ZRANB3: variants seen among roughly 807,000 people sequenced by gnomAD.
ZRANB3 encodes the protein DNA annealing helicase and endonuclease ZRANB3.
Under a neutral mutation model 133.8 loss-of-function variants are expected in ZRANB3, and 125 were observed. That is an observed-to-expected ratio of 0.93 (90% CI 0.81 to 1.08). The LOEUF is 1.08. Ranked by LOEUF, ZRANB3 falls within the 50% of genes least tolerant of loss-of-function variation. The pLI is 0.00. For synonymous variants in ZRANB3, 387 were observed against 432.7 expected (o/e 0.89, Z 1.31); for missense variants, 1,229 against 1,275.5 (o/e 0.96, Z 0.56).
intron 2 of ZRANB3, among the ~76,000 whole-genome samples, chr2:135,473,564 G>T (rs1252862668): frequency 6.6e-6 from 1 of 151,706 alleles, no homozygotes; most frequent in Admixed American, 6.6e-5. Context: ...AAAAAAGATG[G>T]AAAGGAAAAG....
chr2:135,430,299 G>A (rs1689263729), intron 2 of ZRANB3, among the ~76,000 whole-genome samples: 1 of 152,046 alleles, frequency 6.6e-6, no homozygotes, highest in Admixed American at 6.6e-5. Flanking sequence ...TATGATCGCA[G>A]GAACTATGTT....
chr2:135,286,709 T>A (rs1343995265), intron 8 of ZRANB3, among the ~76,000 whole-genome samples: 1 of 152,228 alleles, frequency 6.6e-6, no homozygotes, highest in Non-Finnish European at 1.5e-5. Flanking sequence ...CATTTGCATA[T>A]CTTCTTTTGA....
intron 1 of ZRANB3, among the ~76,000 whole-genome samples, chr2:135,515,191 G>A (rs1693649896): frequency 6.6e-6 from 1 of 152,058 alleles, no homozygotes. Context: ...CTACTGTTTG[G>A]AATAATTTCA....
chr2:135,320,263 A>G (rs1683457480), intron 6 of ZRANB3, among the ~76,000 whole-genome samples: 1 of 152,260 alleles, frequency 6.6e-6, no homozygotes, highest in African/African-American at 2.4e-5. Flanking sequence ...AAAGAAAATT[A>G]TCAAACAAAT....
intron 2 of ZRANB3, among the ~76,000 whole-genome samples, chr2:135,501,957 G>T (rs1336527955): frequency 6.6e-6 from 1 of 152,008 alleles, no homozygotes; most frequent in Non-Finnish European, 1.5e-5. Flanking sequence ...AGACTCAAGG[G>T]TATTATCAAT....
chr2:135,397,433 G>C, intron 2 of ZRANB3, among the ~76,000 whole-genome samples: 1 of 145,744 alleles, frequency 6.9e-6, no homozygotes. Flanking sequence ...GGGCAAGAAA[G>C]CCAGACCCTG....
chr2:135,435,647 A>T (rs1472237027), intron 2 of ZRANB3, among the ~76,000 whole-genome samples: 1 of 152,074 alleles, frequency 6.6e-6, no homozygotes, highest in Non-Finnish European at 1.5e-5. Flanking sequence ...AACCTTGCCC[A>T]CATCTGTTAT....
intron 12 of ZRANB3, among the ~76,000 whole-genome samples, chr2:135,255,726 A>C (rs988101917): frequency 6.6e-6 from 1 of 151,400 alleles, no homozygotes; most frequent in Non-Finnish European, 1.5e-5. Flanking sequence ...GCATGATGAT[A>C]GTCCTGGCTA....
chr2:135,292,537 C>T (rs1681807595), intron 8 of ZRANB3, among the ~76,000 whole-genome samples: 1 of 152,274 alleles, frequency 6.6e-6, no homozygotes, highest in South Asian at 2.1e-4. Flanking sequence ...TTCTCCCATT[C>T]TGTAGGTTGC....
chr2:135,272,909 C>T (rs1680601942), intron 9 of ZRANB3, among the ~76,000 whole-genome samples: 2 of 151,890 alleles, frequency 1.3e-5, no homozygotes, highest in Non-Finnish European at 2.9e-5. Flanking sequence ...ATTGGCCGGG[C>T]GCGGTGTCTC....
intron 8 of ZRANB3, among the ~76,000 whole-genome samples, chr2:135,294,074 T>C (rs2104798656): frequency 6.6e-6 from 1 of 152,354 alleles, no homozygotes; most frequent in East Asian, 1.9e-4. Context: ...TTTGTGTCTC[T>C]GCCAGGCTTT....
intron 12 of ZRANB3, among the ~76,000 whole-genome samples, 190 bp downstream of exon 12, chr2:135,265,344 A>C (rs574072008): frequency 6.6e-6 from 1 of 152,106 alleles, no homozygotes; most frequent in Non-Finnish European, 1.5e-5. Flanking sequence ...TTATCCGAGG[A>C]GCTGAACAGT....
chr2:135,282,511 C>T (rs1681144462), intron 8 of ZRANB3, among the ~76,000 whole-genome samples: 1 of 152,146 alleles, frequency 6.6e-6, no homozygotes, highest in Admixed American at 6.6e-5. Context: ...CAAATTTTCC[C>T]AAAGAAACAC....
At chr2:135,221,628 T>G (rs1431376151) in intron 15 of ZRANB3, among the ~76,000 whole-genome samples, 1 of 152,256 alleles carries the variant, frequency 6.6e-6, no homozygotes, top group East Asian at 1.9e-4. Context: ...CTCTACCCTC[T>G]TGGGACCATT....
At chr2:135,398,137 C>T (rs2104935151) in intron 2 of ZRANB3, among the ~76,000 whole-genome samples, 1 of 152,156 alleles carries the variant, frequency 6.6e-6, no homozygotes, top group Middle Eastern at 3.4e-3. Context: ...GCCATCTCCG[C>T]TCACTGCAAG....
chr2:135,227,836 C>A lies in ZRANB3; in HGVS notation c.2134G>T (p.Gly712Ter). Residue 712 changes from glycine to a stop codon, truncating the protein, a stop_gained, in exon 14 of 21, where the codon GGA (glycine) becomes TGA (stop). Coordinates refer to ENST00000264159, the MANE Select transcript of ZRANB3 (RefSeq NM_032143.4). LOFTEE classifies it high-confidence loss of function. ...EETPKIEKEDGLTSQPGNEQW... is the reference protein window; with the variant it reads ...EETPKIEKED The stretch of plus-strand genomic sequence containing the variant: ...CCATTACCTGGCTGGGATGTAAGTC[C>A]GTCTTCTTTCTCAATTTTTGGTGTT... The A allele has an allele frequency of 6.3e-7, 1 of 1,576,056 alleles. No individual in the cohort carries two copies. The highest frequency in any genetic ancestry group is 1.3e-5 in the African/African-American group (1 of 74,508).
chr2:135,409,397 T>G (rs1688201997), intron 2 of ZRANB3, among the ~76,000 whole-genome samples: 2 of 152,162 alleles, frequency 1.3e-5, no homozygotes. Context: ...CATGATCATC[T>G]TCATAGATGC....
chr2:135,222,238 A>T (rs560879548), intron 15 of ZRANB3, among the ~76,000 whole-genome samples: 1 of 151,998 alleles, frequency 6.6e-6, no homozygotes, highest in South Asian at 2.1e-4. Flanking sequence ...CCCTGTCTCT[A>T]CTAAAAATAG....
Position 135,227,991 on chromosome 2 carries a change from T to C in ZRANB3, c.1979A>G (p.His660Arg), listed in dbSNP as rs1222693253. ...SAVMQIDSLN[H>R]IQDKNEKDDS... is the part of the protein sequence containing the mutation. ...ATCCTTCTCGTTTTTATCCTGGATA[T>C]GGTTGAGGCTATCTATTTGCATAAC... The change falls in exon 14 of 21, where the codon CAT (histidine) becomes CGT (arginine). Residue 660 changes from histidine (H) to arginine (R), a missense_variant. His to Arg is a conservative substitution (Grantham distance 29). Coordinates refer to ENST00000264159, the MANE Select transcript of ZRANB3 (RefSeq NM_032143.4). The C allele has an allele frequency of 1.3e-6, 2 of 1,548,884 alleles. No individual in the cohort carries two copies. The highest frequency in any genetic ancestry group is 2.4e-5 in the South Asian group (2 of 82,880).
Sources: gnomAD v4.1 joint callset for allele counts (sites outside exome capture counted in the v4.1 genomes callset) on GRCh38, gnomAD v4.1.1 for gene constraint, MANE v1.5 for transcripts, NCBI Gene and HGNC (gene_info 2026-07-23, HGNC 2026-07-21) for gene names.